The following MEI4 variants were observed in gnomAD, a reference collection of about 807,000 sequenced individuals.
MEI4 encodes the protein meiosis-specific protein MEI4.
Under a neutral mutation model 31.4 loss-of-function variants are expected in MEI4, and 27 were observed. The observed-to-expected ratio is 0.86, with a 90% CI of 0.63 to 1.19. MEI4 has a LOEUF of 1.19. MEI4 is among the 50% of genes most tolerant of loss of function. MEI4 has a pLI of 0.00. For synonymous variants in MEI4, 122 were observed against 145.4 expected (o/e 0.84, Z 1.16); for missense variants, 329 against 398.9 (o/e 0.82, Z 1.49).
intron 1 of MEI4, among the ~76,000 whole-genome samples, chr6:77,668,734 T>C (rs1339761421): frequency 6.6e-6 from 1 of 152,194 alleles, no homozygotes; most frequent in Non-Finnish European, 1.5e-5. Context: ...AGATTATGGA[T>C]ATAAATCCAT....
At chr6:77,875,245 T>C (rs1168052657) in intron 4 of MEI4, among the ~76,000 whole-genome samples, 2 of 152,250 alleles carry the variant, frequency 1.3e-5, no homozygotes, top group Non-Finnish European at 2.9e-5. Context: ...TGCATGCATA[T>C]GTATGTTTAT....
At chr6:77,656,586 C>G (rs1015085398) in intron 1 of MEI4, among the ~76,000 whole-genome samples, 12 of 152,282 alleles carry the variant, frequency 7.9e-5, no homozygotes, top group Admixed American at 1.3e-4. Flanking sequence ...TAGTGCCTGG[C>G]ACAATCAATA....
Position 77,811,773 on chromosome 6 carries a change from CAA to C in MEI4, c.769-17143_769-17142del, listed in dbSNP as rs67267765. 1.5e-3 allele frequency among the ~76,000 whole-genome samples: 188 copies of C among 126,830 alleles called. 1 individual carries two copies. The highest frequency in any genetic ancestry group is 4.2e-3 in the African/African-American group (136 of 32,708). 83.2% of individuals were successfully genotyped at this position (126,830 alleles called of 152,430 possible). A position where few individuals can be genotyped will look rare whatever the true frequency, so the allele number is the denominator to read the frequency against. ...CTGGCGACAAAGTGAAACTCCGTCT[CAA>C]AAAAAAAAAAAAAATTGATACTTTT... On this transcript the variant is annotated intron_variant, in intron 3 of 4. Coordinates refer to ENST00000684080, the MANE Select transcript of MEI4 (RefSeq NM_001322247.2).
chr6:77,798,259 G>C (rs1769137033), intron 3 of MEI4, among the ~76,000 whole-genome samples: 1 of 150,710 alleles, frequency 6.6e-6, no homozygotes, highest in South Asian at 2.1e-4. Flanking sequence ...AAATAAATGA[G>C]AAAAAATGAA....
chr6:77,763,179 C>G (rs150731073), intron 3 of MEI4, among the ~76,000 whole-genome samples: 2 of 152,088 alleles, frequency 1.3e-5, no homozygotes, highest in East Asian at 3.9e-4. Context: ...TACACATAAA[C>G]TTGTGAATGA....
At position 77,802,312 on chromosome 6, in the gene MEI4, C is replaced by T. The variant is rs184771939; in HGVS notation, c.769-26619C>T. ...TGCAACCCCTGCCTTTGTTTGTTTT[C>T]CATTTGCTTGGTAGATCTTCCTCCA... is the stretch of plus-strand genomic sequence containing the variant. On this transcript the variant is annotated intron_variant, in intron 3 of 4. Transcript: ENST00000684080. 5.1e-3 allele frequency among the ~76,000 whole-genome samples: 782 copies of T among 152,154 alleles called. 2 individuals carry two copies. The highest frequency in any genetic ancestry group is 8.0e-3 in the Non-Finnish European group (545 of 68,004).
rs1413134873 is a variant in MEI4, at chr6:77,926,171, G to GCTTT, written c.*2826_*2829dup. The GCTTT allele has an allele frequency of 2.0e-5, 3 of 151,912 alleles. No individual in the cohort carries two copies. Among genetic ancestry groups the GCTTT allele is most frequent in the Non-Finnish European group, 4.4e-5 (3 of 67,940 alleles). The allele number at this position is 151,912 out of a possible 1,614,324, so 9.4% of individuals were successfully genotyped here. The stretch of plus-strand genomic sequence containing the variant: ...CAGCTTCTTTGCAATTGTCATCAAA[G>GCTTT]CTTTATACATGCTTAACTATGAACC... On this transcript the variant is annotated 3_prime_UTR_variant, in exon 5 of 5. Coordinates refer to ENST00000684080, the MANE Select transcript of MEI4 (RefSeq NM_001322247.2).
intron 4 of MEI4, among the ~76,000 whole-genome samples, chr6:77,843,980 C>G (rs907406704): frequency 1.3e-5 from 2 of 152,104 alleles, no homozygotes; most frequent in Non-Finnish European, 2.9e-5. Flanking sequence ...CTTCTCTGAG[C>G]CTAATTCTAT....
At chr6:77,751,684 G>C (rs1409375184) in intron 2 of MEI4, among the ~76,000 whole-genome samples, 1 of 152,042 alleles carries the variant, frequency 6.6e-6, no homozygotes, top group Non-Finnish European at 1.5e-5. Context: ...TTCTACCAGA[G>C]GTACAAAAAG....
At chr6:77,664,738 G>A (rs1009458539) in intron 1 of MEI4, among the ~76,000 whole-genome samples, 1 of 152,068 alleles carries the variant, frequency 6.6e-6, no homozygotes, top group Non-Finnish European at 1.5e-5. Context: ...CAGAGACTAG[G>A]AAGGGACTGA....
At chr6:77,732,383 T>C (rs1180317921) in intron 2 of MEI4, among the ~76,000 whole-genome samples, 1 of 152,100 alleles carries the variant, frequency 6.6e-6, no homozygotes. Context: ...TTATTCTCTT[T>C]GAAGCAATTG....
intron 4 of MEI4, among the ~76,000 whole-genome samples, chr6:77,919,060 C>T (rs934649596): frequency 1.3e-5 from 2 of 151,952 alleles, no homozygotes; most frequent in African/African-American, 4.8e-5. Flanking sequence ...GAGACTTTAA[C>T]ACCCCACTGT....
At chr6:77,868,039 A>T (rs1177743451) in intron 4 of MEI4, among the ~76,000 whole-genome samples, 1 of 149,362 alleles carries the variant, frequency 6.7e-6, no homozygotes, top group Non-Finnish European at 1.5e-5. Flanking sequence ...GGACACAGGA[A>T]GGGGAACATC....
chr6:77,805,264 T>G (rs1253902315), intron 3 of MEI4, among the ~76,000 whole-genome samples: 1 of 152,120 alleles, frequency 6.6e-6, no homozygotes, highest in Non-Finnish European at 1.5e-5. Flanking sequence ...AGTAGTGCTT[T>G]GAATATGAAT....
intron 4 of MEI4, among the ~76,000 whole-genome samples, chr6:77,914,044 A>AAAC (rs1554180866): frequency 6.6e-6 from 1 of 151,024 alleles, no homozygotes; most frequent in Non-Finnish European, 1.5e-5. Context: ...GAAAAAAAAA[A>AAAC]AAAACTTTCG....
intron 2 of MEI4, among the ~76,000 whole-genome samples, chr6:77,740,043 TA>T (rs1186196634): frequency 5.3e-5 from 8 of 152,220 alleles, no homozygotes; most frequent in Non-Finnish European, 8.8e-5. Context: ...ATTTCTACCT[TA>T]ATTGCATTAT....
chr6:77,802,042 G>A lies in MEI4; in HGVS notation c.769-26889G>A, dbSNP rs999577820. On this transcript the variant is annotated intron_variant, in intron 3 of 4. Transcript: ENST00000684080. ...GATATCCTTGTTAACTTTCTGTCTC[G>A]TTGATCTGTCTAATGTTGACAGTGG... Among the ~76,000 whole-genome samples the A allele has an allele frequency of 5.3e-5, 8 of 152,172 alleles. No individual in the cohort carries two copies. The East Asian group carries it at 7.7e-4, about 15-fold the overall frequency.
chr6:77,828,324 A>G (rs76558467), intron 3 of MEI4, among the ~76,000 whole-genome samples: 4,976 of 150,024 alleles, frequency 0.033, 109 homozygotes, highest in Middle Eastern at 0.092. Context: ...GCAGCAGGGG[A>G]GCTAGCATTA....
chr6:77,691,453 G>A (rs180681053), intron 2 of MEI4, among the ~76,000 whole-genome samples: 41 of 152,140 alleles, frequency 2.7e-4, no homozygotes, highest in Admixed American at 2.2e-3. Flanking sequence ...CTTACCTCTG[G>A]CCCTCAAAGT....
Sources: gnomAD v4.1 joint callset for allele counts (sites outside exome capture counted in the v4.1 genomes callset) on GRCh38, gnomAD v4.1.1 for gene constraint, MANE v1.5 for transcripts, NCBI Gene and HGNC (gene_info 2026-07-23, HGNC 2026-07-21) for gene names.